The following EPS8 variants were observed in gnomAD, a reference collection of about 807,000 sequenced individuals.
The protein encoded by EPS8 is epidermal growth factor receptor kinase substrate 8.
A neutral mutation model predicts 103.8 loss-of-function variants in EPS8; 42 were observed. The observed-to-expected ratio is 0.40, with a 90% CI of 0.32 to 0.52. EPS8 has a LOEUF of 0.52. Among genes scored for constraint, EPS8 ranks in the 20% least tolerant of loss-of-function variants. The pLI is 0.40. For synonymous variants in EPS8, 344 were observed against 344.6 expected (o/e 1.00, Z 0.02); for missense variants, 969 against 1,005.1 (o/e 0.96, Z 0.49).
rs1946384289 is a variant in EPS8 at position 15,706,173 on chromosome 12, G to A, written c.-21-23201C>T. 6.6e-6 allele frequency among the ~76,000 whole-genome samples: 1 copy of A among 152,124 alleles called. No individual in the cohort carries two copies. The highest frequency in any genetic ancestry group is 2.1e-4 in the South Asian group (1 of 4,822). On this transcript the variant is annotated intron_variant, in intron 1 of 20. Transcript: ENST00000281172. This position sits in a 1 kb window ranked among gnomAD's most constrained non-coding sequence, Gnocchi z 5.2. The stretch of plus-strand genomic sequence containing the variant: ...ATCTTGTAAAATGGTCCCTCCCATT[G>A]AGACAGCTAAGTGGGAGGGGATCCC...
intron 6 of EPS8, among the ~76,000 whole-genome samples, chr12:15,667,201 A>G: frequency 6.6e-6 from 1 of 152,144 alleles, no homozygotes; most frequent in East Asian, 1.9e-4. Flanking sequence ...GAGATGCACC[A>G]TCTATGTTTG....
rs1946545089 is a variant in EPS8, at chr12:15,717,460, G to A, written c.-21-34488C>T. On this transcript the variant is annotated intron_variant, in intron 1 of 20. Coordinates refer to ENST00000281172, the MANE Select transcript of EPS8 (RefSeq NM_004447.6). This position sits in a 1 kb window ranked among gnomAD's most constrained non-coding sequence, Gnocchi z 4.3. Reference sequence around the variant, plus strand: ...AAATTAGCTGGGCGCGGTGGCACGTGCCTGTAATCCCAGCTACTTGGGAGG... The same window carrying A: ...AAATTAGCTGGGCGCGGTGGCACGTACCTGTAATCCCAGCTACTTGGGAGG... Among the ~76,000 whole-genome samples the A allele has an allele frequency of 6.6e-6, 1 of 152,050 alleles. No individual in the cohort carries two copies. The highest frequency in any genetic ancestry group is 1.5e-5 in the Non-Finnish European group (1 of 68,008).
intron 4 of EPS8, among the ~76,000 whole-genome samples, chr12:15,670,184 T>G (rs1338424571): frequency 6.6e-6 from 1 of 152,158 alleles, no homozygotes; most frequent in Non-Finnish European, 1.5e-5. Context: ...ATGCTGAACA[T>G]AGCAGCATTT....
intron 1 of EPS8, among the ~76,000 whole-genome samples, chr12:15,686,637 T>C (rs1008292490): frequency 1.3e-5 from 2 of 152,148 alleles, no homozygotes; most frequent in Non-Finnish European, 2.9e-5. Flanking sequence ...AAAAAATGAC[T>C]AAGAAGAAAT....
At chr12:15,654,543 A>G in intron 12 of EPS8, 1 of 477,136 alleles carries the variant, frequency 2.1e-6, no homozygotes, top group Non-Finnish European at 3.7e-6. Context: ...TGGGCTGCAT[A>G]TGACTATAGT....
Position 15,695,831 on chromosome 12 carries a change from C to G in EPS8, c.-21-12859G>C, listed in dbSNP as rs1946235806. On this transcript the variant is annotated intron_variant, in intron 1 of 20. Transcript: ENST00000281172. The surrounding 1 kb of genome is among the most constrained non-coding windows in gnomAD (Gnocchi z 5.0). ...CTCTACCAAAAATATAAAAATCAGC[C>G]AGACATGGTGGCAGGCACCTGTAAT... 6.6e-6 allele frequency among the ~76,000 whole-genome samples: 1 copy of G among 152,108 alleles called. No individual in the cohort carries two copies. Among genetic ancestry groups the G allele is most frequent in the South Asian group, 2.1e-4 (1 of 4,828 alleles).
rs201875630 is a variant in EPS8 at position 15,665,846 on chromosome 12, G to C, written c.646C>G (p.Pro216Ala). ...DPSIPPPPRA[P>A]APAPPGTVTQ... The stretch of plus-strand genomic sequence containing the variant: ...ACGGTCCCAGGGGGCGCAGGGGCAG[G>C]AGCTCTGGGTGGAGGCGGTATACTA... The change falls in exon 8 of 21, where the codon CCT becomes GCT. Residue 216 changes from proline to alanine, a missense_variant. Coordinates refer to ENST00000281172, the MANE Select transcript of EPS8 (RefSeq NM_004447.6). The C allele has an allele frequency of 4.9e-5, 79 of 1,613,998 alleles. No homozygotes were observed. In the East Asian group the frequency reaches 1.4e-3, roughly 28 times the overall value.
In EPS8 at chr12:15,662,932, A is replaced by T. The variant is rs191826850; in HGVS notation, c.737-833T>A. ...TTCAATAGAGAGAACTGCAAAAAAA[A>T]ATTGGACACTTTGTATTGCTATTCT... On this transcript the variant is annotated intron_variant, in intron 8 of 20. Coordinates refer to ENST00000281172, the MANE Select transcript of EPS8 (RefSeq NM_004447.6). Among the ~76,000 whole-genome samples, 4 of 152,172 alleles carry T rather than the reference A, an allele frequency of 2.6e-5. 1 individual carries two copies. The East Asian group carries it at 7.7e-4, about 29-fold the overall frequency.
At chr12:15,691,750 A>T (rs905188471) in intron 1 of EPS8, among the ~76,000 whole-genome samples, 3 of 152,236 alleles carry the variant, frequency 2.0e-5, no homozygotes, top group Non-Finnish European at 4.4e-5. Flanking sequence ...ACTAAAATTC[A>T]GTGTTTACTT....
At chr12:15,621,532 A>G in intron 20 of EPS8, 102 bp from the exon 21 acceptor site, 1 of 628,706 alleles carries the variant, frequency 1.6e-6, no homozygotes, top group Non-Finnish European at 2.7e-6. Context: ...GTTTTCTTCT[A>G]GTATCTCTTT....
intron 4 of EPS8, 78 bp from the exon 5 acceptor site, chr12:15,669,903 A>C: frequency 9.1e-7 from 1 of 1,100,670 alleles, no homozygotes. Flanking sequence ...TTTCCAAAAG[A>C]AAATCAAATA....
chr12:15,787,015 A>G lies in EPS8; in HGVS notation c.-22+2146T>C, dbSNP rs968868583. ...CTACCAAGTATGTTTCACACAACTC[A>G]GGAAAGCTGAGTTGTATATAAATAT... On this transcript the variant is annotated intron_variant, in intron 1 of 20. Coordinates refer to ENST00000281172, the MANE Select transcript of EPS8 (RefSeq NM_004447.6). The surrounding 1 kb of genome is among the most constrained non-coding windows in gnomAD (Gnocchi z 4.9). Among the ~76,000 whole-genome samples, 5 of 152,174 alleles carry G rather than the reference A, an allele frequency of 3.3e-5. No homozygotes were observed. The highest frequency in any genetic ancestry group is 1.2e-4 in the African/African-American group (5 of 41,452).
chr12:15,706,045 C>G lies in EPS8; in HGVS notation c.-21-23073G>C, dbSNP rs1047428241. 2.0e-5 allele frequency among the ~76,000 whole-genome samples: 3 copies of G among 152,088 alleles called. No homozygotes were observed. The highest frequency in any genetic ancestry group is 1.9e-4 in the East Asian group (1 of 5,190). On this transcript the variant is annotated intron_variant, in intron 1 of 20. Coordinates refer to ENST00000281172, the MANE Select transcript of EPS8 (RefSeq NM_004447.6). The surrounding 1 kb of genome is among the most constrained non-coding windows in gnomAD (Gnocchi z 5.2). ...TTTTAACTCAAAGAAGGCTAACATT[C>G]AAGAATGACCCTGAATCTATTTTCT...
At chr12:15,758,647 T>A (rs1399453394) in intron 1 of EPS8, among the ~76,000 whole-genome samples, 1 of 152,236 alleles carries the variant, frequency 6.6e-6, no homozygotes, top group Non-Finnish European at 1.5e-5. Flanking sequence ...TGGCCTTGAT[T>A]AGATCCTAGC....
chr12:15,755,656 G>A (rs1360195637), intron 1 of EPS8, among the ~76,000 whole-genome samples: 2 of 151,984 alleles, frequency 1.3e-5, no homozygotes, highest in African/African-American at 4.8e-5. Context: ...TTCCCTCCTC[G>A]GCAAATCCTT....
In EPS8 at chr12:15,787,187, G is replaced by A. The variant is rs1947320322; in HGVS notation, c.-22+1974C>T. On this transcript the variant is annotated intron_variant, in intron 1 of 20. Transcript: ENST00000281172. The surrounding 1 kb of genome is among the most constrained non-coding windows in gnomAD (Gnocchi z 4.9). ...GTGACCTGCTGCAGAATTAAAAGAG[G>A]TATGTAAAAGAAGGGAGTAGAGAGA... Among the ~76,000 whole-genome samples the A allele has an allele frequency of 6.6e-6, 1 of 152,116 alleles. No homozygotes were observed. The highest frequency in any genetic ancestry group is 6.5e-5 in the Admixed American group (1 of 15,278).
At position 15,651,229 on chromosome 12, in the gene EPS8, C is replaced by T. The variant is rs79163949; in HGVS notation, c.1251-223G>A. Among the ~76,000 whole-genome samples, 1,671 of 152,284 alleles carry T rather than the reference C, an allele frequency of 0.011. 27 individuals are homozygous for T. The highest frequency in any genetic ancestry group is 0.038 in the African/African-American group (1,579 of 41,554). On this transcript the variant is annotated intron_variant, in intron 13 of 20. Transcript: ENST00000281172. ...AATAAAATGAAAGAAAGATTGAATT[C>T]TGTTGCATGATCTGTTTTCCCAACA...
intron 17 of EPS8, among the ~76,000 whole-genome samples, chr12:15,634,562 T>C (rs1380063551): frequency 6.6e-6 from 1 of 152,196 alleles, no homozygotes; most frequent in Non-Finnish European, 1.5e-5. Flanking sequence ...AAAATTGAAC[T>C]GTTCTTAAAT....
Position 15,731,763 on chromosome 12 carries a change from T to C in EPS8, c.-21-48791A>G, listed in dbSNP as rs1008012280. Among the ~76,000 whole-genome samples, 6 of 152,120 alleles carry C rather than the reference T, an allele frequency of 3.9e-5. No individual in the cohort carries two copies. Among genetic ancestry groups the C allele is most frequent in the Admixed American group, 3.9e-4 (6 of 15,270 alleles). ...CAATAATTTCAATCATCCCCCAAAC[T>C]GGCAGCAAAAAGCTGTTCAGTGTGC... On this transcript the variant is annotated intron_variant, in intron 1 of 20. Transcript: ENST00000281172. The surrounding 1 kb of genome is among the most constrained non-coding windows in gnomAD (Gnocchi z 5.1).
Sources: allele counts gnomAD v4.1 joint callset (sites outside exome capture counted in the v4.1 genomes callset), GRCh38; gene constraint gnomAD v4.1.1; non-coding constraint Gnocchi (gnomAD v3.1); transcripts MANE v1.5; gene names NCBI Gene and HGNC (gene_info 2026-07-23, HGNC 2026-07-21).